INPP5A: variants seen among roughly 807,000 people sequenced by gnomAD.
INPP5A encodes the protein inositol polyphosphate-5-phosphatase A, also known as 43 kDa inositol polyphosphate 5-phophatase.
Under a neutral mutation model 65.2 loss-of-function variants are expected in INPP5A, and 14 were observed. The observed-to-expected ratio is 0.21, with a 90% CI of 0.14 to 0.34. The LOEUF (loss-of-function observed/expected upper bound fraction) is 0.34. Among genes scored for constraint, INPP5A ranks in the 10% least tolerant of loss-of-function variants. The probability of loss-of-function intolerance (pLI) is 1.00; values close to 1 mark genes in which losing one functional copy is unlikely to be tolerated. For missense variants in INPP5A, 431 were observed against 545.6 expected (o/e 0.79, Z 2.09); for synonymous variants, 207 against 208.3 (o/e 0.99, Z 0.05).
intron 1 of INPP5A, among the ~76,000 whole-genome samples, chr10:132,597,008 C>G (rs902136089): frequency 7.0e-6 from 1 of 142,408 alleles, no homozygotes; most frequent in African/African-American, 2.7e-5. Flanking sequence ...TGTGTGCACG[C>G]TCCTGTACGT....
chr10:132,719,591 G>C (rs1300560495), intron 8 of INPP5A, among the ~76,000 whole-genome samples: 1 of 143,860 alleles, frequency 7.0e-6, no homozygotes, highest in Non-Finnish European at 1.5e-5. Flanking sequence ...TGCGGGTTCT[G>C]TGGTGCCTGG....
Position 132,546,612 on chromosome 10 carries a change from C to T in INPP5A, c.75+8441C>T, listed in dbSNP as rs1321478029. On this transcript the variant is annotated intron_variant, in intron 1 of 15. Transcript: ENST00000368594. The surrounding 1 kb of genome is among the most constrained non-coding windows in gnomAD (Gnocchi z 5.7). ...GGCTGCTGGGGCAGCTTTCCCCGGC[C>T]CCTTCCCCGCCTCCTTCCCACTCTG... is the stretch of plus-strand genomic sequence containing the variant. Among the ~76,000 whole-genome samples the T allele has an allele frequency of 1.3e-5, 2 of 152,156 alleles. No individual in the cohort carries two copies. The highest frequency in any genetic ancestry group is 2.9e-5 in the Non-Finnish European group (2 of 68,018).
rs73397335 is a variant in INPP5A at position 132,578,149 on chromosome 10, C to T, written c.76-29766C>T. Among the ~76,000 whole-genome samples, 451 of 152,310 alleles carry T rather than the reference C, an allele frequency of 3.0e-3. 2 individuals are homozygous for T. Among genetic ancestry groups the T allele is most frequent in the African/African-American group, 0.01 (431 of 41,548 alleles). On this transcript the variant is annotated intron_variant, in intron 1 of 15. Coordinates refer to ENST00000368594, the MANE Select transcript of INPP5A (RefSeq NM_005539.5). ...TTCACCATTGGGAGATTATTATGCT[C>T]TCTACAGAAAGTGTTGCAGAACTTT...
intron 11 of INPP5A, among the ~76,000 whole-genome samples, chr10:132,756,460 C>G (rs530702077): frequency 7.7e-4 from 83 of 107,554 alleles, no homozygotes; most frequent in African/African-American, 2.0e-3. Context: ...TTTCAGTCAA[C>G]AACAGACTAC....
rs2071018362 is a variant in INPP5A at position 132,549,080 on chromosome 10, A to G, written c.75+10909A>G. On this transcript the variant is annotated intron_variant, in intron 1 of 15. Coordinates refer to ENST00000368594, the MANE Select transcript of INPP5A (RefSeq NM_005539.5). This position sits in a 1 kb window ranked among gnomAD's most constrained non-coding sequence, Gnocchi z 4.9. The stretch of plus-strand genomic sequence containing the variant: ...GGTGCTGGGATGACAGGTGTGAGCC[A>G]CTGCGCCTGGGCTTGTCTTCCCTGT... Among the ~76,000 whole-genome samples, 1 of 152,178 alleles carries G rather than the reference A, an allele frequency of 6.6e-6. No individual in the cohort carries two copies. Among genetic ancestry groups the G allele is most frequent in the Non-Finnish European group, 1.5e-5 (1 of 68,030 alleles).
chr10:132,579,852 G>T (rs899254789), intron 1 of INPP5A, among the ~76,000 whole-genome samples: 1 of 151,950 alleles, frequency 6.6e-6, no homozygotes, highest in African/African-American at 2.4e-5. Flanking sequence ...TCTCCGTGGC[G>T]CCTGGTTCTT....
intron 12 of INPP5A, among the ~76,000 whole-genome samples, chr10:132,767,513 C>T (rs1048909322): frequency 1.3e-5 from 2 of 152,200 alleles, no homozygotes; most frequent in African/African-American, 2.4e-5. Context: ...GAGCTTCTTC[C>T]TGTTCTGCAA....
intron 11 of INPP5A, among the ~76,000 whole-genome samples, chr10:132,761,833 A>C (rs1396193948): frequency 6.6e-6 from 1 of 152,218 alleles, no homozygotes; most frequent in African/African-American, 2.4e-5. Flanking sequence ...CCAGAAATAC[A>C]ACAAAGGCAG....
intron 12 of INPP5A, among the ~76,000 whole-genome samples, chr10:132,767,317 G>T (rs1478830041): frequency 5.2e-5 from 1 of 19,240 alleles, no homozygotes; most frequent in African/African-American, 1.0e-4. Flanking sequence ...ATGCGGCCTC[G>T]GAGCTTGGGT....
intron 14 of INPP5A, 31 bp downstream of exon 14, chr10:132,780,948 T>C: frequency 1.7e-6 from 1 of 581,556 alleles, no homozygotes; most frequent in Non-Finnish European, 2.3e-6. Flanking sequence ...GGGGCCAGGC[T>C]GGGGGACCAA....
intron 8 of INPP5A, among the ~76,000 whole-genome samples, chr10:132,713,758 G>A (rs1204004869): frequency 6.6e-6 from 1 of 152,176 alleles, no homozygotes; most frequent in Non-Finnish European, 1.5e-5. Flanking sequence ...GGACCTGTCC[G>A]GCCTCCCGGA....
chr10:132,595,097 T>C (rs1590854585), intron 1 of INPP5A, among the ~76,000 whole-genome samples: 1 of 152,226 alleles, frequency 6.6e-6, no homozygotes, highest in South Asian at 2.1e-4. Context: ...TTTTCCCTTT[T>C]CCTATTGAGA....
intron 2 of INPP5A, among the ~76,000 whole-genome samples, chr10:132,634,818 C>T (rs568101798): frequency 5.3e-5 from 8 of 152,298 alleles, no homozygotes; most frequent in South Asian, 2.1e-4. Context: ...GGCTCTCGGC[C>T]GGCAGCCCTG....
At chr10:132,780,128 C>T (rs903848167) in intron 13 of INPP5A, among the ~76,000 whole-genome samples, 2 of 152,228 alleles carry the variant, frequency 1.3e-5, no homozygotes, top group Non-Finnish European at 2.9e-5. Context: ...GTAAATCTGA[C>T]CTTGAGCTTC....
At chr10:132,703,014 G>A (rs936466617) in intron 6 of INPP5A, among the ~76,000 whole-genome samples, 4 of 151,150 alleles carry the variant, frequency 2.6e-5, no homozygotes, top group African/African-American at 9.7e-5. Context: ...GCTCCCTGCC[G>A]AGCCCACACA....
chr10:132,594,991 G>A (rs2133319749), intron 1 of INPP5A, among the ~76,000 whole-genome samples: 1 of 152,324 alleles, frequency 6.6e-6, no homozygotes, highest in South Asian at 2.1e-4. Flanking sequence ...GGAAAGTAAT[G>A]CGTGATGATT....
intron 1 of INPP5A, among the ~76,000 whole-genome samples, chr10:132,601,852 C>A (rs1298212467): frequency 1.4e-5 from 2 of 145,434 alleles, no homozygotes; most frequent in Non-Finnish European, 3.1e-5. Context: ...GTGCCAGGAC[C>A]ACACTGTTTT....
In INPP5A at chr10:132,741,837, T is replaced by C. The variant is rs140446925; in HGVS notation, c.733-7680T>C. ...TGAGGTGGACGTTGGCGTCCGCGTC[T>C]GCTTGCTTTACTCCATAGCTGATAT... On this transcript the variant is annotated intron_variant, in intron 9 of 15. Transcript: ENST00000368594. This position sits in a 1 kb window ranked among gnomAD's most constrained non-coding sequence, Gnocchi z 4.4. 6.6e-5 allele frequency among the ~76,000 whole-genome samples: 10 copies of C among 151,532 alleles called. No homozygotes were observed. In the East Asian group the frequency reaches 1.6e-3, roughly 24 times the overall value.
chr10:132,709,893 A>G (rs1049641725), intron 7 of INPP5A, among the ~76,000 whole-genome samples: 8 of 152,172 alleles, frequency 5.3e-5, no homozygotes, highest in Non-Finnish European at 8.8e-5. Context: ...GGGGCTTCCC[A>G]AGGGTCTTCC....
Sources: gnomAD v4.1 joint callset for allele counts (sites outside exome capture counted in the v4.1 genomes callset) on GRCh38, gnomAD v4.1.1 for gene constraint, Gnocchi (gnomAD v3.1) non-coding constraint, MANE v1.5 for transcripts, NCBI Gene and HGNC (gene_info 2026-07-23, HGNC 2026-07-21) for gene names.